The following CHRD variants were observed in gnomAD, a reference collection of about 807,000 sequenced individuals.
CHRD encodes chordin.
A neutral mutation model predicts 113.7 loss-of-function variants in CHRD; 69 were observed. The observed-to-expected ratio is 0.61, with a 90% CI of 0.50 to 0.74. CHRD has a LOEUF of 0.74. Among genes scored for constraint, CHRD ranks in the 30% least tolerant of loss-of-function variants. CHRD has a pLI of 0.00. For synonymous variants in CHRD, 561 were observed against 540.8 expected, an observed-to-expected ratio of 1.04 and a Z score of -0.52; for missense variants, 1,194 against 1,295.8, an observed-to-expected ratio of 0.92 and a Z score of 1.21.
intron 14 of CHRD, 74 bp downstream of exon 14, chr3:184,385,312 TG>T (rs1716112726): frequency 1.7e-6 from 2 of 1,154,186 alleles, no homozygotes; most frequent in Admixed American, 3.6e-5. Flanking sequence ...GGGCCTGTGT[TG>T]GGGAAAGCAG....
In CHRD at chr3:184,380,995, C is replaced by T. The variant is rs941547304; in HGVS notation, c.252+200C>T. On this transcript the variant is annotated intron_variant, in intron 2 of 22. Coordinates refer to ENST00000204604, the Ensembl canonical transcript of CHRD. This position sits in a 1 kb window ranked among gnomAD's most constrained non-coding sequence, Gnocchi z 6.3. ...CGCCCACTCTGTGTGAGGCTCTGTG[C>T]CAACTCCGTTTCGTTCCCTGCTCAT... 46 of 734,616 alleles carry T rather than the reference C, an allele frequency of 6.3e-5. No homozygotes were observed. The highest frequency in any genetic ancestry group is 1.0e-4 in the Non-Finnish European group (42 of 414,936). 45.5% of individuals were successfully genotyped at this position (734,616 alleles called of 1,614,324 possible). A position where few individuals can be genotyped will look rare whatever the true frequency, so the allele number is the denominator to read the frequency against.
In CHRD at chr3:184,383,596, G is replaced by T. The variant is rs537327887; in HGVS notation, c.1394G>T (p.Arg465Leu). The stretch of plus-strand genomic sequence containing the variant: ...ACCAAGCCTCAGCGGAGGGATCAGC[G>T]CACTGTCCTGTGCCACATGGCTGGA... The change falls in exon 12 of 23, where the codon CGC becomes CTC. Residue 465 changes from arginine (R) to leucine (L), a missense_variant. Physicochemically the swap from Arg to Leu is moderately radical, Grantham distance 102 (BLOSUM62 -2). Transcript: ENST00000204604. 4.3e-5 allele frequency: 70 copies of T among 1,613,956 alleles called. 2 individuals are homozygous for T. In the South Asian group the frequency reaches 7.2e-4, roughly 17 times the overall value.
At chr3:184,383,576 G>A (rs1162519675) in exon 12 of CHRD, 2 of 1,614,004 alleles carry the variant, frequency 1.2e-6, no homozygotes, top group Admixed American at 1.7e-5. Flanking sequence ...TGGAGACCAA[G>A]CCTCAGCGGA....
rs370232913 is a variant in CHRD at position 184,383,170 on chromosome 3, C to CGGG, written c.1213+15_1213+17dup. On this transcript the variant is annotated splice_region_variant and intron_variant, in intron 10 of 22. Transcript: ENST00000204604. ...GCCAGGAAGAGCTGCGACGGTGAGG[C>CGGG]GGGGGGGGGGCCTGGTGCGCCGGGC... 1.0e-5 allele frequency: 14 copies of CGGG among 1,388,616 alleles called. No homozygotes were observed. The highest frequency in any genetic ancestry group is 4.9e-4 in the Middle Eastern group (2 of 4,094). The allele number at this position is 1,388,616 out of a possible 1,614,324, so 86.0% of individuals were successfully genotyped here.
rs201064595 is a variant in CHRD at position 184,389,350 on chromosome 3, C to T, written c.2813-17C>T. 52 of 1,612,590 alleles carry T rather than the reference C, an allele frequency of 3.2e-5. No homozygotes were observed. In the African/African-American group the frequency reaches 6.3e-4, roughly 19 times the overall value. Reference sequence around the variant, plus strand: ...TCCCTCTCCCCTCCTCCAACATTCCCTCCCTTCTGTCTCCAGCAGCCCCAG... The same window carrying T: ...TCCCTCTCCCCTCCTCCAACATTCCTTCCCTTCTGTCTCCAGCAGCCCCAG... On this transcript the variant is annotated splice_polypyrimidine_tract_variant and intron_variant, in intron 22 of 22. Transcript: ENST00000204604.
rs751844353 is a variant in CHRD at position 184,381,099 on chromosome 3, G to A, written c.253-136G>A. 3 of 990,492 alleles carry A rather than the reference G, an allele frequency of 3.0e-6. No homozygotes were observed. The highest frequency in any genetic ancestry group is 1.7e-5 in the Admixed American group (1 of 57,502). The allele number at this position is 990,492 out of a possible 1,614,324, so 61.4% of individuals were successfully genotyped here. On this transcript the variant is annotated intron_variant, in intron 2 of 22. Coordinates refer to ENST00000204604, the Ensembl canonical transcript of CHRD. The surrounding 1 kb of genome is among the most constrained non-coding windows in gnomAD (Gnocchi z 4.7). ...AGACAGGGACCTTGAGGCCCAGAGAGATGAAGTAGCTTGTCTAGGGTCACG... is the reference window on the plus strand; with the variant it reads ...AGACAGGGACCTTGAGGCCCAGAGAAATGAAGTAGCTTGTCTAGGGTCACG...
At chr3:184,383,968 G>A (rs930789835) in intron 12 of CHRD, among the ~76,000 whole-genome samples, 1 of 152,016 alleles carries the variant, frequency 6.6e-6, no homozygotes, top group African/African-American at 2.4e-5. Flanking sequence ...GTAGAGACGG[G>A]GTTTCACCGT....
Position 184,381,849 on chromosome 3 carries a change from T to A in CHRD, c.611+34T>A. The A allele has an allele frequency of 6.2e-7, 1 of 1,611,398 alleles. No homozygotes were observed. The highest frequency in any genetic ancestry group is 1.1e-5 in the South Asian group (1 of 90,796). On this transcript the variant is annotated intron_variant, in intron 5 of 22. Transcript: ENST00000204604. This position sits in a 1 kb window ranked among gnomAD's most constrained non-coding sequence, Gnocchi z 4.7. ...GGGGAAGGAGCAAGGAGGGGTCAGCTGCCGGGGCCCGGGAGGGAAACTGGG... is the reference window on the plus strand; with the variant it reads ...GGGGAAGGAGCAAGGAGGGGTCAGCAGCCGGGGCCCGGGAGGGAAACTGGG...
Position 184,388,235 on chromosome 3 carries a change from CCGTCCA to C in CHRD, c.2554+203_2554+208del, listed in dbSNP as rs1716629778. 7.3e-6 allele frequency among the ~76,000 whole-genome samples: 1 copy of C among 136,620 alleles called. No homozygotes were observed. The highest frequency in any genetic ancestry group is 2.4e-4 in the South Asian group (1 of 4,220). 89.6% of individuals were successfully genotyped at this position (136,620 alleles called of 152,430 possible). On this transcript the variant is annotated intron_variant, in intron 20 of 22. Coordinates refer to ENST00000204604, the Ensembl canonical transcript of CHRD. The surrounding 1 kb of genome is among the most constrained non-coding windows in gnomAD (Gnocchi z 6.1). ...GGGTTCTGGTTCCTGCTCCATCCATCCGTCCATCCATCCATCCATCCATCCATCCAT... is the reference window on the plus strand; with the variant it reads ...GGGTTCTGGTTCCTGCTCCATCCATCTCCATCCATCCATCCATCCATCCAT...
At position 184,388,832 on chromosome 3, in the gene CHRD, G is replaced by C. The variant is rs1192550832; in HGVS notation, c.2710-61G>C. ...TCCCAGGGAGGTCCCTGAAGAAGCT[G>C]AAGGTCACTGTGTCCCAGTGCCTCT... On this transcript the variant is annotated intron_variant, in intron 21 of 22. Coordinates refer to ENST00000204604, the Ensembl canonical transcript of CHRD. The surrounding 1 kb of genome is among the most constrained non-coding windows in gnomAD (Gnocchi z 6.1). The C allele has an allele frequency of 2.1e-5, 34 of 1,604,500 alleles. No individual in the cohort carries two copies. Among genetic ancestry groups the C allele is most frequent in the Admixed American group, 3.3e-5 (2 of 59,860 alleles).
chr3:184,387,517 G>T lies in CHRD; in HGVS notation c.2451+40G>T, dbSNP rs1356726495. The T allele has an allele frequency of 6.5e-7, 1 of 1,539,800 alleles. No homozygotes were observed. Among genetic ancestry groups the T allele is most frequent in the Non-Finnish European group, 8.8e-7 (1 of 1,141,164 alleles). Reference sequence around the variant, plus strand: ...TCTTCTCTGGTGCCATAACCCAGCGGGGTCTGCAGAGATGGGGAGGGGCTG... The same window carrying T: ...TCTTCTCTGGTGCCATAACCCAGCGTGGTCTGCAGAGATGGGGAGGGGCTG... On this transcript the variant is annotated intron_variant, in intron 19 of 22. Coordinates refer to ENST00000204604, the Ensembl canonical transcript of CHRD. The surrounding 1 kb of genome is among the most constrained non-coding windows in gnomAD (Gnocchi z 6.1).
chr3:184,386,929 G>C (rs934985144), exon 17 of CHRD: 3 of 1,614,110 alleles, frequency 1.9e-6, no homozygotes, highest in Non-Finnish European at 2.5e-6. Context: ...GTGCTGCCCT[G>C]TTTGCCCTGG....
At chr3:184,382,564 G>C in intron 7 of CHRD, 34 bp downstream of exon 7, 1 of 1,612,830 alleles carries the variant, frequency 6.2e-7, no homozygotes, top group Non-Finnish European at 8.5e-7. Flanking sequence ...GTGAAGTTCT[G>C]AGTCTTCTCT....
exon 23 of CHRD, chr3:184,389,519 G>C: frequency 3.6e-6 from 4 of 1,114,760 alleles, no homozygotes; most frequent in Non-Finnish European, 5.3e-6. Context: ...GGGAAGCCCA[G>C]TGCCTTTGCT....
Position 184,389,549 on chromosome 3 carries a change from C to T in CHRD, c.*127C>T, listed in dbSNP as rs1716890553. 7.7e-6 allele frequency: 6 copies of T among 781,686 alleles called. No individual in the cohort carries two copies. In the East Asian group the frequency reaches 8.2e-5, roughly 11 times the overall value. The allele number at this position is 781,686 out of a possible 1,614,324, so 48.4% of individuals were successfully genotyped here. A position where few individuals can be genotyped will look rare whatever the true frequency, so the allele number is the denominator to read the frequency against. ...TTTGCTCCTCTGTCCTGCCTCTACT[C>T]CCACCCCCACTACCTCTGGGAACCA... On this transcript the variant is annotated 3_prime_UTR_variant, in exon 23 of 23. Coordinates refer to ENST00000204604, the Ensembl canonical transcript of CHRD.
rs370232913 is a variant in CHRD, at chr3:184,383,170, CG to C, written c.1213+17del. ...GCCAGGAAGAGCTGCGACGGTGAGG[CG>C]GGGGGGGGGCCTGGTGCGCCGGGCA... On this transcript the variant is annotated splice_region_variant and intron_variant, in intron 10 of 22. Transcript: ENST00000204604. The C allele has an allele frequency of 9.3e-3, 12,026 of 1,293,626 alleles. 23 individuals carry two copies. The highest frequency in any genetic ancestry group is 0.028 in the South Asian group (1,909 of 67,446). 80.1% of individuals were successfully genotyped at this position (1,293,626 alleles called of 1,614,324 possible). A position where few individuals can be genotyped will look rare whatever the true frequency, so the allele number is the denominator to read the frequency against.
chr3:184,388,010 C>T lies in CHRD; in HGVS notation c.2531C>T (p.Thr844Ile). The T allele has an allele frequency of 1.2e-6, 2 of 1,613,690 alleles. No homozygotes were observed. Among genetic ancestry groups the T allele is most frequent in the Non-Finnish European group, 1.7e-6 (2 of 1,179,924 alleles). ...GCCCAGCCTGTGCGTGTCAACCCCACCGACTGCTGCAAACAGTGTCCAGGT... is the reference window on the plus strand; with the variant it reads ...GCCCAGCCTGTGCGTGTCAACCCCATCGACTGCTGCAAACAGTGTCCAGGT... The change falls in exon 20 of 23, where the codon ACC (threonine) becomes ATC (isoleucine). Residue 844 changes from threonine (T) to isoleucine (I), a missense_variant. Coordinates refer to ENST00000204604, the Ensembl canonical transcript of CHRD. The surrounding 1 kb of genome is among the most constrained non-coding windows in gnomAD (Gnocchi z 6.1).
chr3:184,387,297 G>A lies in CHRD; in HGVS notation c.2348-77G>A. 2 of 1,502,644 alleles carry A rather than the reference G, an allele frequency of 1.3e-6. No homozygotes were observed. The highest frequency in any genetic ancestry group is 2.3e-5 in the East Asian group (1 of 43,786). 93.1% of individuals were successfully genotyped at this position (1,502,644 alleles called of 1,614,324 possible). ...CTTGGCTTAGGCTCGTGTGGGGGTG[G>A]CCTGAGGCTCAAGCCTTGGTTGTGG... On this transcript the variant is annotated intron_variant, in intron 18 of 22. Coordinates refer to ENST00000204604, the Ensembl canonical transcript of CHRD. This position sits in a 1 kb window ranked among gnomAD's most constrained non-coding sequence, Gnocchi z 6.1.
Position 184,382,798 on chromosome 3 carries a change from C to T in CHRD, c.982+24C>T, listed in dbSNP as rs73887470. On this transcript the variant is annotated intron_variant, in intron 8 of 22. Coordinates refer to ENST00000204604, the Ensembl canonical transcript of CHRD. ...GGGTAAGTGGGATGGGGGCAAAACA[C>T]GTGAGAAGGTTAGGGAGAGCACCTG... 2.6e-3 allele frequency: 4,123 copies of T among 1,613,166 alleles called. 85 individuals carry two copies. In the African/African-American group the frequency reaches 0.047, roughly 18 times the overall value.
Sources: gnomAD v4.1 joint callset for allele counts (sites outside exome capture counted in the v4.1 genomes callset) on GRCh38, gnomAD v4.1.1 for gene constraint, Gnocchi (gnomAD v3.1) non-coding constraint, MANE v1.5 for transcripts, NCBI Gene and HGNC (gene_info 2026-07-23, HGNC 2026-07-21) for gene names.